Variants in ATXN7L1 observed in about 807,000 individuals in gnomAD.
ATXN7L1 encodes ataxin-7-like protein 1.
ATXN7L1 carries 15 observed loss-of-function variants against 70.8 expected under a neutral mutation model. The observed-to-expected ratio is 0.21, with a 90% CI of 0.14 to 0.33. The LOEUF (loss-of-function observed/expected upper bound fraction) is 0.33, where lower values mean the gene tolerates loss of function less well. ATXN7L1 is among the 10% of genes least tolerant of loss of function. ATXN7L1 has a pLI of 1.00. For missense variants in ATXN7L1, 975 were observed against 1,097.1 expected (o/e 0.89, Z 1.57); for synonymous variants, 440 against 445.1 (o/e 0.99, Z 0.14).
intron 3 of ATXN7L1, chr7:105,679,344 G>A (rs2116150022): frequency 5.7e-6 from 1 of 174,192 alleles, no homozygotes; most frequent in Non-Finnish European, 1.1e-5. Flanking sequence ...ATCAGAGCCA[G>A]CGCTGTGTGT....
At chr7:105,689,835 G>A (rs911279815) in intron 3 of ATXN7L1, among the ~76,000 whole-genome samples, 5 of 152,180 alleles carry the variant, frequency 3.3e-5, no homozygotes, top group Non-Finnish European at 5.9e-5. Context: ...TCCCCTGTAT[G>A]AGCCAGGCCC....
chr7:105,754,547 A>G (rs903706237), intron 3 of ATXN7L1, among the ~76,000 whole-genome samples: 2 of 152,082 alleles, frequency 1.3e-5, no homozygotes, highest in Non-Finnish European at 2.9e-5. Flanking sequence ...CGCAGTCTCA[A>G]ATTCCTGGGC....
intron 3 of ATXN7L1, among the ~76,000 whole-genome samples, chr7:105,666,497 C>G (rs963281215): frequency 6.6e-6 from 1 of 152,196 alleles, no homozygotes; most frequent in Non-Finnish European, 1.5e-5. Flanking sequence ...GCACCCTGAC[C>G]TGGGAGATGC....
chr7:105,711,747 G>T (rs78411253), intron 3 of ATXN7L1, among the ~76,000 whole-genome samples: 25 of 152,264 alleles, frequency 1.6e-4, no homozygotes, highest in African/African-American at 6.0e-4. Flanking sequence ...ACTTCCAGGC[G>T]CATGGTGCAA....
chr7:105,658,447 A>G lies in ATXN7L1; in HGVS notation c.578+6619T>C, dbSNP rs1456978573. Among the ~76,000 whole-genome samples, 5 of 152,294 alleles carry G rather than the reference A, an allele frequency of 3.3e-5. No individual in the cohort carries two copies. In the East Asian group the frequency reaches 7.7e-4, roughly 23 times the overall value. ...TGTGTCTAAACATATCTAAATATAG[A>G]AAAGCTATAGTAAAAATAGGGTATA... On this transcript the variant is annotated intron_variant, in intron 4 of 11. Transcript: ENST00000419735.
chr7:105,612,773 C>A (rs1793273664), intron 10 of ATXN7L1, among the ~76,000 whole-genome samples: 1 of 152,194 alleles, frequency 6.6e-6, no homozygotes. Context: ...ATTTGTGAAT[C>A]CCCCTCAGGC....
intron 3 of ATXN7L1, among the ~76,000 whole-genome samples, chr7:105,724,050 T>C (rs1023774849): frequency 3.3e-5 from 5 of 152,148 alleles, no homozygotes; most frequent in Non-Finnish European, 5.9e-5. Flanking sequence ...AGATGAGGTG[T>C]ATTAGTTTCC....
Position 105,788,685 on chromosome 7 carries a change from G to C in ATXN7L1, c.274C>G (p.Pro92Ala). The C allele has an allele frequency of 6.2e-7, 1 of 1,613,464 alleles. No homozygotes were observed. Among genetic ancestry groups the C allele is most frequent in the Non-Finnish European group, 8.5e-7 (1 of 1,179,396 alleles). The change falls in exon 3 of 12, where the codon CCA (proline) becomes GCA (alanine). Residue 92 changes from proline (P) to alanine (A), a missense_variant. Around this residue, in one of 5 missense-constraint regions of ATXN7L1, gnomAD observed 135 missense variants for 132.6 expected, o/e 1.02. Transcript: ENST00000419735. Reference protein sequence around the residue: ...KEDMHLFGHYPAHDDFYLVVC... With the variant: ...KEDMHLFGHYAAHDDFYLVVC... The stretch of plus-strand genomic sequence containing the variant: ...ACGAGATAGAAGTCGTCATGTGCTG[G>C]GTAATGGCCAAATAAGTGCATATCT...
intron 3 of ATXN7L1, among the ~76,000 whole-genome samples, chr7:105,686,214 A>T (rs1806169795): frequency 6.6e-6 from 1 of 152,150 alleles, no homozygotes. Flanking sequence ...AAAATATCGT[A>T]AGTCAAAAAT....
intron 2 of ATXN7L1, among the ~76,000 whole-genome samples, chr7:105,837,011 C>T (rs1812483066): frequency 6.6e-6 from 1 of 152,146 alleles, no homozygotes; most frequent in Admixed American, 6.5e-5. Context: ...ACTGACATTG[C>T]TCGGCTTCTG....
chr7:105,867,885 G>T, intron 2 of ATXN7L1, among the ~76,000 whole-genome samples: 1 of 152,110 alleles, frequency 6.6e-6, no homozygotes. Flanking sequence ...GACACTGCTG[G>T]CATCTAGCAA....
chr7:105,859,069 T>G (rs1480063895), intron 2 of ATXN7L1, among the ~76,000 whole-genome samples: 1 of 151,702 alleles, frequency 6.6e-6, no homozygotes, highest in African/African-American at 2.4e-5. Context: ...GCATGACAGG[T>G]GAATTTTGAA....
At chr7:105,766,915 T>A (rs1023847782) in intron 3 of ATXN7L1, among the ~76,000 whole-genome samples, 6 of 152,256 alleles carry the variant, frequency 3.9e-5, no homozygotes, top group Non-Finnish European at 8.8e-5. Flanking sequence ...AGATGACTGC[T>A]GTCTCCTTTC....
At chr7:105,620,896 G>GAAAA (rs10656477) in intron 8 of ATXN7L1, among the ~76,000 whole-genome samples, 1 of 144,832 alleles carries the variant, frequency 6.9e-6, no homozygotes, top group Non-Finnish European at 1.5e-5. Context: ...CTGTCTCAGA[G>GAAAA]AAAAAAAAAA....
intron 3 of ATXN7L1, among the ~76,000 whole-genome samples, chr7:105,722,659 G>C (rs1373039558): frequency 6.9e-6 from 1 of 145,480 alleles, no homozygotes; most frequent in African/African-American, 2.5e-5. Flanking sequence ...TGGGCGAATT[G>C]CCTGAGGTCA....
chr7:105,724,615 G>A (rs904021698), intron 3 of ATXN7L1, among the ~76,000 whole-genome samples: 4 of 149,118 alleles, frequency 2.7e-5, no homozygotes, highest in African/African-American at 5.0e-5. Context: ...GAGGCCGGGC[G>A]TGGTGGCTCA....
At chr7:105,869,136 G>A (rs368386535) in intron 2 of ATXN7L1, among the ~76,000 whole-genome samples, 6 of 151,856 alleles carry the variant, frequency 4.0e-5, no homozygotes, top group East Asian at 1.9e-4. Flanking sequence ...TCCCTTCTCC[G>A]TCTCATCTTT....
chr7:105,819,161 G>T (rs1284210628), intron 2 of ATXN7L1, among the ~76,000 whole-genome samples: 2 of 151,350 alleles, frequency 1.3e-5, no homozygotes, highest in African/African-American at 2.4e-5. Context: ...GTGATAGTTT[G>T]CTGAGAATGA....
intron 2 of ATXN7L1, among the ~76,000 whole-genome samples, chr7:105,856,586 C>CA (rs375731226): frequency 0.3 from 24,334 of 79,850 alleles, 2,700 homozygotes; most frequent in South Asian, 0.51. Context: ...GACTCAGTCT[C>CA]AAAAAAAAAA....
Sources: gnomAD v4.1 joint callset for allele counts (sites outside exome capture counted in the v4.1 genomes callset) on GRCh38, gnomAD v4.1.1 for gene constraint, gnomAD v4.1.1 regional missense constraint, MANE v1.5 for transcripts, NCBI Gene and HGNC (gene_info 2026-07-23, HGNC 2026-07-21) for gene names.